The following NR6A1 variants were observed in gnomAD, a reference collection of about 807,000 sequenced individuals.
NR6A1 encodes nuclear receptor subfamily 6 group A member 1, also known as retinoic acid receptor-related testis-associated receptor.
Under a neutral mutation model 59.1 loss-of-function variants are expected in NR6A1, and 7 were observed. That is an observed-to-expected ratio of 0.12 (90% CI 0.07 to 0.22). The LOEUF is 0.22. Ranked by LOEUF, NR6A1 falls within the 10% of genes least tolerant of loss-of-function variation. The probability of loss-of-function intolerance (pLI) is 1.00; values close to 1 mark genes in which losing one functional copy is unlikely to be tolerated. For synonymous variants in NR6A1, 243 were observed against 236.1 expected, an observed-to-expected ratio of 1.03 and a Z score of -0.27; for missense variants, 468 against 611.6, an observed-to-expected ratio of 0.77 and a Z score of 2.48.
chr9:124,566,531 T>G (rs2131415634), intron 2 of NR6A1, among the ~76,000 whole-genome samples: 1 of 152,272 alleles, frequency 6.6e-6, no homozygotes, highest in South Asian at 2.1e-4. Context: ...CATAGAGACA[T>G]CTTACGGAGG....
At chr9:124,573,511 G>T (rs1371267685) in intron 2 of NR6A1, among the ~76,000 whole-genome samples, 1 of 152,134 alleles carries the variant, frequency 6.6e-6, no homozygotes, top group African/African-American at 2.4e-5. Context: ...ACAACAACAT[G>T]GTCCCCTAAG....
intron 7 of NR6A1, among the ~76,000 whole-genome samples, chr9:124,534,738 T>C (rs1833204902): frequency 6.6e-6 from 1 of 152,204 alleles, no homozygotes; most frequent in South Asian, 2.1e-4. Context: ...CAAACCCTTA[T>C]GGGAAAGTCT....
chr9:124,678,727 T>A (rs997754988), intron 2 of NR6A1, among the ~76,000 whole-genome samples: 4 of 152,208 alleles, frequency 2.6e-5, no homozygotes, highest in Non-Finnish European at 5.9e-5. Context: ...AGTTCATTTA[T>A]ATAACTGAAT....
At chr9:124,637,875 G>C (rs955102619) in intron 2 of NR6A1, among the ~76,000 whole-genome samples, 6 of 126,890 alleles carry the variant, frequency 4.7e-5, no homozygotes, top group African/African-American at 1.5e-4. Context: ...CTGGGCGACA[G>C]AGTGAGACTC....
At chr9:124,584,204 T>C (rs1244714130) in intron 2 of NR6A1, among the ~76,000 whole-genome samples, 1 of 151,490 alleles carries the variant, frequency 6.6e-6, no homozygotes, top group Non-Finnish European at 1.5e-5. Context: ...ACCTCCCACG[T>C]TCAAGCGATT....
chr9:124,567,770 T>C (rs532386808), intron 2 of NR6A1, among the ~76,000 whole-genome samples: 14 of 150,134 alleles, frequency 9.3e-5, no homozygotes, highest in South Asian at 2.1e-4. Flanking sequence ...TTGGGAGTGA[T>C]AGAGAAAATA....
At chr9:124,762,721 T>C (rs573382282) in intron 1 of NR6A1, among the ~76,000 whole-genome samples, 1 of 152,334 alleles carries the variant, frequency 6.6e-6, no homozygotes, top group Non-Finnish European at 1.5e-5. Flanking sequence ...TGTAGGATCC[T>C]GTAATATCAC....
At chr9:124,668,302 G>A (rs1837689261) in intron 2 of NR6A1, among the ~76,000 whole-genome samples, 1 of 151,696 alleles carries the variant, frequency 6.6e-6, no homozygotes, top group Admixed American at 6.6e-5. Context: ...GGAGGAGGAA[G>A]AGAAGGGGTT....
intron 2 of NR6A1, among the ~76,000 whole-genome samples, chr9:124,601,149 G>A (rs1221359689): frequency 8.5e-5 from 13 of 152,104 alleles, no homozygotes; most frequent in African/African-American, 2.7e-4. Flanking sequence ...GGTGGCACAC[G>A]CCTGTAATTC....
intron 2 of NR6A1, among the ~76,000 whole-genome samples, chr9:124,623,875 C>A (rs1486111460): frequency 2.6e-5 from 4 of 152,138 alleles, no homozygotes; most frequent in Non-Finnish European, 5.9e-5. Context: ...ACAACATAAG[C>A]CTCCTCCCCT....
chr9:124,518,940 G>A lies in NR6A1; in HGVS notation c.*3765C>T, dbSNP rs1372941883. On this transcript the variant is annotated 3_prime_UTR_variant, in exon 10 of 10. Transcript: ENST00000487099. Reference sequence around the variant, plus strand: ...ACAGCTCAGCTTTCTGTCCTGCTGAGAGGCCAGGGTTCCCTTAATTCGACC... The same window carrying A: ...ACAGCTCAGCTTTCTGTCCTGCTGAAAGGCCAGGGTTCCCTTAATTCGACC... The A allele has an allele frequency of 6.6e-6, 1 of 152,206 alleles. No individual in the cohort carries two copies. Among genetic ancestry groups the A allele is most frequent in the Non-Finnish European group, 1.5e-5 (1 of 68,046 alleles). The allele number at this position is 152,206 out of a possible 1,614,324, so 9.4% of individuals were successfully genotyped here. A position where few individuals can be genotyped will look rare whatever the true frequency, so the allele number is the denominator to read the frequency against.
At chr9:124,567,052 G>A (rs1321159782) in intron 2 of NR6A1, among the ~76,000 whole-genome samples, 3 of 151,014 alleles carry the variant, frequency 2.0e-5, no homozygotes, top group Admixed American at 2.0e-4. Context: ...AGCTTGCAGT[G>A]AGCCGAGATC....
chr9:124,592,784 G>C (rs1835165816), intron 2 of NR6A1, among the ~76,000 whole-genome samples: 1 of 152,176 alleles, frequency 6.6e-6, no homozygotes, highest in Non-Finnish European at 1.5e-5. Context: ...GACTATTTAA[G>C]GCTGTTTAGG....
intron 9 of NR6A1, among the ~76,000 whole-genome samples, chr9:124,523,418 C>T (rs1026675151): frequency 6.6e-6 from 1 of 152,132 alleles, no homozygotes; most frequent in Non-Finnish European, 1.5e-5. Flanking sequence ...GCAAACAGTA[C>T]CTCTGAGTGA....
chr9:124,536,250 T>C (rs1175733025), intron 6 of NR6A1, 118 bp from the exon 7 acceptor site: 1 of 1,112,768 alleles, frequency 9.0e-7, no homozygotes, highest in Non-Finnish European at 1.3e-6. Context: ...CCTTGCTCCA[T>C]GCCCACGGGT....
intron 2 of NR6A1, among the ~76,000 whole-genome samples, chr9:124,670,216 CAAAAAAAA>C (rs1245931470): frequency 1.2e-5 from 1 of 82,134 alleles, no homozygotes; most frequent in Non-Finnish European, 2.8e-5. Context: ...CTCATCTCTG[CAAAAAAAA>C]AAAAAAAAAA....
chr9:124,627,400 C>T (rs1174625698), intron 2 of NR6A1, among the ~76,000 whole-genome samples: 1 of 152,104 alleles, frequency 6.6e-6, no homozygotes, highest in East Asian at 1.9e-4. Flanking sequence ...TTCCTCCACT[C>T]ACTCCTAAAT....
chr9:124,607,491 G>A (rs1410197788), intron 2 of NR6A1: 2 of 152,110 alleles, frequency 1.3e-5, no homozygotes, highest in African/African-American at 4.8e-5. Flanking sequence ...ATAAAAGAGA[G>A]GTTCAGCAAA....
chr9:124,695,286 T>C (rs975062980), intron 2 of NR6A1, among the ~76,000 whole-genome samples: 1 of 152,214 alleles, frequency 6.6e-6, no homozygotes, highest in Non-Finnish European at 1.5e-5. Context: ...TGATGTTTTA[T>C]GGAAATGAAT....
Sources: gnomAD v4.1 joint callset for allele counts (sites outside exome capture counted in the v4.1 genomes callset) on GRCh38, gnomAD v4.1.1 for gene constraint, MANE v1.5 for transcripts, NCBI Gene and HGNC (gene_info 2026-07-23, HGNC 2026-07-21) for gene names.